Variants in UHRF2 observed in about 807,000 individuals in gnomAD.
UHRF2 encodes E3 ubiquitin-protein ligase UHRF2.
In UHRF2, 23 loss-of-function variants were observed where a neutral mutation model predicts 96.8. The ratio of observed to expected loss-of-function variants is 0.24; its 90% confidence interval spans 0.17 to 0.34. The LOEUF is 0.34. Ranked by LOEUF, UHRF2 falls within the 10% of genes least tolerant of loss-of-function variation. UHRF2 has a pLI of 1.00. For synonymous variants in UHRF2, 385 were observed against 332.6 expected, an observed-to-expected ratio of 1.16 and a Z score of -1.72; for missense variants, 685 against 981.5, an observed-to-expected ratio of 0.70 and a Z score of 4.04.
At chr9:6,466,368 T>A (rs1822858640) in intron 4 of UHRF2, among the ~76,000 whole-genome samples, 1 of 152,054 alleles carries the variant, frequency 6.6e-6, no homozygotes, top group Non-Finnish European at 1.5e-5. Context: ...TGAAACGCCA[T>A]CTCTACTAAA....
chr9:6,496,999 T>G, intron 10 of UHRF2, 199 bp from the exon 11 acceptor site: 2 of 513,884 alleles, frequency 3.9e-6, no homozygotes, highest in Admixed American at 3.3e-5. Context: ...TCCCCTGGCT[T>G]GGGGGTGACA....
intron 9 of UHRF2, among the ~76,000 whole-genome samples, chr9:6,493,254 T>C (rs1490524303): frequency 6.6e-6 from 1 of 151,936 alleles, no homozygotes; most frequent in Non-Finnish European, 1.5e-5. Context: ...GCCGAGATCG[T>C]GCCACCGCAC....
At chr9:6,424,579 A>G (rs967715599) in intron 2 of UHRF2, among the ~76,000 whole-genome samples, 15 of 152,310 alleles carry the variant, frequency 9.8e-5, no homozygotes, top group African/African-American at 3.6e-4. Flanking sequence ...AAGATAGTAG[A>G]GAGAGTTCCC....
rs1820379226 is a variant in UHRF2, at chr9:6,428,473, A to G, written c.385-5441A>G. ...TAATAATCTTTAACTTATTTATGCAACCCTAATCCCTAATTTTCTGGTTTC... is the reference window on the plus strand; with the variant it reads ...TAATAATCTTTAACTTATTTATGCAGCCCTAATCCCTAATTTTCTGGTTTC... On this transcript the variant is annotated intron_variant, in intron 2 of 15. Coordinates refer to ENST00000276893, the MANE Select transcript of UHRF2 (RefSeq NM_152896.3). 2.7e-5 allele frequency among the ~76,000 whole-genome samples: 4 copies of G among 148,562 alleles called. No individual in the cohort carries two copies. The South Asian group carries it at 8.5e-4, about 31-fold the overall frequency.
chr9:6,469,681 T>TGTATATATATACACGTATATAC (rs1554630024), intron 4 of UHRF2, among the ~76,000 whole-genome samples: 5 of 87,690 alleles, frequency 5.7e-5, no homozygotes, highest in South Asian at 5.9e-4. Context: ...TGTGTGTATG[T>TGTATATATATACACGTATATAC]ATATATATAC....
At chr9:6,455,170 G>C (rs1311562960) in intron 3 of UHRF2, among the ~76,000 whole-genome samples, 4 of 152,088 alleles carry the variant, frequency 2.6e-5, no homozygotes, top group African/African-American at 9.7e-5. Context: ...TTAAGTTCTA[G>C]GGTGCATGTG....
chr9:6,423,198 T>G lies in UHRF2; in HGVS notation c.384+2056T>G, dbSNP rs548138239. Among the ~76,000 whole-genome samples the G allele has an allele frequency of 6.6e-5, 10 of 152,338 alleles. No individual in the cohort carries two copies. The East Asian group carries it at 1.7e-3, about 26-fold the overall frequency. On this transcript the variant is annotated intron_variant, in intron 2 of 15. Coordinates refer to ENST00000276893, the MANE Select transcript of UHRF2 (RefSeq NM_152896.3). The stretch of plus-strand genomic sequence containing the variant: ...GTATATAGAAAGATTAAGAAGAGAT[T>G]AGAACCATGTTTCCAAAGAAAGTAC...
intron 4 of UHRF2, among the ~76,000 whole-genome samples, chr9:6,467,854 T>C (rs73639304): frequency 0.016 from 2,484 of 152,216 alleles, 76 homozygotes; most frequent in African/African-American, 0.055. Context: ...TGCTTTTTTT[T>C]CCTTATACCC....
intron 3 of UHRF2, among the ~76,000 whole-genome samples, chr9:6,443,985 A>G (rs886770632): frequency 6.6e-6 from 1 of 152,236 alleles, no homozygotes; most frequent in Non-Finnish European, 1.5e-5. Flanking sequence ...GAATAAAATC[A>G]AGTGGTATTT....
At chr9:6,420,611 G>C (rs1354661456) in intron 1 of UHRF2, among the ~76,000 whole-genome samples, 4 of 151,664 alleles carry the variant, frequency 2.6e-5, no homozygotes, top group Non-Finnish European at 4.4e-5. Context: ...GGAGGCTGAG[G>C]CAGGAGAATG....
chr9:6,438,391 T>C (rs1016759099), intron 3 of UHRF2, among the ~76,000 whole-genome samples: 26 of 152,252 alleles, frequency 1.7e-4, no homozygotes, highest in Non-Finnish European at 3.2e-4. Flanking sequence ...TTTTTACCTC[T>C]AAGCCAGTGT....
chr9:6,481,545 C>A, intron 6 of UHRF2, 98 bp from the exon 7 acceptor site: 1 of 1,387,598 alleles, frequency 7.2e-7, no homozygotes, highest in Non-Finnish European at 9.8e-7. Context: ...CCAAATAATA[C>A]ATCTTAAAAC....
intron 3 of UHRF2, among the ~76,000 whole-genome samples, chr9:6,441,125 ACCTAGCACTTTGGGAGG>A (rs778772910): frequency 1.9e-4 from 29 of 152,046 alleles, no homozygotes; most frequent in Non-Finnish European, 3.8e-4. Flanking sequence ...ATACCTGTAA[ACCTAGCACTTTGGGAGG>A]CCAAGGCAGG....
rs776364775 is a variant in UHRF2 at position 6,475,420 on chromosome 9, A to G, written c.893A>G (p.Lys298Arg). ...TCTGAAGGAACATTAAATGACTGCA[A>G]GATAATATCTGTAGATGAAATCTTC... ...GGSEGTLNDC[K>R]IISVDEIFKI... The change falls in exon 5 of 16, where the codon AAG becomes AGG. Residue 298 changes from lysine (K) to arginine (R), a missense_variant. Lys to Arg is a conservative substitution (Grantham distance 26). Transcript: ENST00000276893. 3 of 1,578,722 alleles carry G rather than the reference A, an allele frequency of 1.9e-6. No individual in the cohort carries two copies. The highest frequency in any genetic ancestry group is 2.4e-5 in the South Asian group (2 of 83,738).
Position 6,475,807 on chromosome 9 carries a change from A to G in UHRF2, c.973+307A>G, listed in dbSNP as rs552523982. On this transcript the variant is annotated intron_variant, in intron 5 of 15. Coordinates refer to ENST00000276893, the MANE Select transcript of UHRF2 (RefSeq NM_152896.3). ...ATATGTGATATTTTGATACAGGCAT[A>G]CAGTGTGTAAATGATCAAATCTGGG... Among the ~76,000 whole-genome samples the G allele has an allele frequency of 2.6e-5, 4 of 152,316 alleles. No individual in the cohort carries two copies. The East Asian group carries it at 7.7e-4, about 29-fold the overall frequency.
intron 5 of UHRF2, among the ~76,000 whole-genome samples, chr9:6,477,243 G>A (rs1195437192): frequency 6.7e-6 from 1 of 149,978 alleles, no homozygotes; most frequent in African/African-American, 2.5e-5. Flanking sequence ...CAAAAAAAAA[G>A]ACTGGGTGTG....
chr9:6,464,956 G>C (rs1243988965), intron 4 of UHRF2, among the ~76,000 whole-genome samples: 1 of 152,046 alleles, frequency 6.6e-6, no homozygotes, highest in Admixed American at 6.6e-5. Context: ...AGCTTTACTA[G>C]ATTTACTAAT....
chr9:6,479,880 TC>T (rs1823821187), intron 6 of UHRF2, among the ~76,000 whole-genome samples: 1 of 152,198 alleles, frequency 6.6e-6, no homozygotes, highest in South Asian at 2.1e-4. Flanking sequence ...TACCATCTCT[TC>T]CTTGAACTTC....
chr9:6,493,976 G>A, intron 10 of UHRF2, 44 bp downstream of exon 10: 1 of 1,556,190 alleles, frequency 6.4e-7, no homozygotes, highest in Non-Finnish European at 8.8e-7. Flanking sequence ...TTGAATAAAA[G>A]TTTCATTATA....
Sources: gnomAD v4.1 joint callset for allele counts (sites outside exome capture counted in the v4.1 genomes callset) on GRCh38, gnomAD v4.1.1 for gene constraint, MANE v1.5 for transcripts, NCBI Gene and HGNC (gene_info 2026-07-23, HGNC 2026-07-21) for gene names.